Variants in PRSS38 observed in about 807,000 individuals in gnomAD.
PRSS38 encodes the protein serine protease 38.
In PRSS38, 22 loss-of-function variants were observed where a neutral mutation model predicts 26.8. The ratio of observed to expected loss-of-function variants is 0.82; its 90% CI spans 0.59 to 1.17. The LOEUF is 1.17. Ranked by LOEUF, PRSS38 falls within the 50% of genes most tolerant of loss-of-function variation. The probability of loss-of-function intolerance (pLI) is 0.00; values close to 1 mark genes in which losing one functional copy is unlikely to be tolerated. For missense variants in PRSS38, 427 were observed against 422.7 expected (o/e 1.01, Z -0.09); for synonymous variants, 175 against 172.1 (o/e 1.02, Z -0.13).
intron 3 of PRSS38, among the ~76,000 whole-genome samples, chr1:227,844,025 A>C (rs538965910): frequency 6.6e-6 from 1 of 151,644 alleles, no homozygotes; most frequent in Non-Finnish European, 1.5e-5. Context: ...CAAACAAAAA[A>C]CCCTCTGTGT....
chr1:227,819,204 G>A (rs1427864684), intron 3 of PRSS38, among the ~76,000 whole-genome samples: 5 of 151,974 alleles, frequency 3.3e-5, no homozygotes, highest in Admixed American at 6.6e-5. Flanking sequence ...GTGGTGCATG[G>A]GACTTTATAT....
At chr1:227,825,428 G>T (rs996753701) in intron 3 of PRSS38, among the ~76,000 whole-genome samples, 5 of 152,160 alleles carry the variant, frequency 3.3e-5, no homozygotes. Flanking sequence ...CTGATCTTGT[G>T]ATCTGCCCGC....
intron 3 of PRSS38, among the ~76,000 whole-genome samples, chr1:227,844,345 TGA>T (rs974934982): frequency 3.8e-4 from 58 of 152,230 alleles, no homozygotes; most frequent in African/African-American, 1.3e-3. Flanking sequence ...CCATGAGTGG[TGA>T]GGTTTCCTCC....
At chr1:227,829,247 C>G (rs1177949910) in intron 3 of PRSS38, among the ~76,000 whole-genome samples, 1 of 152,188 alleles carries the variant, frequency 6.6e-6, no homozygotes, top group Admixed American at 6.5e-5. Flanking sequence ...ATTTTCATTT[C>G]CACCAGCAGT....
intron 3 of PRSS38, among the ~76,000 whole-genome samples, chr1:227,833,684 A>G (rs549036986): frequency 2.6e-5 from 4 of 152,234 alleles, no homozygotes; most frequent in African/African-American, 7.2e-5. Context: ...TTCATTTTCA[A>G]TGAAGGTGCC....
At chr1:227,834,698 C>T (rs113207574) in intron 3 of PRSS38, among the ~76,000 whole-genome samples, 10,504 of 149,814 alleles carry the variant, frequency 0.07, 483 homozygotes, top group Non-Finnish European at 0.098. Context: ...GGCGTGGTGG[C>T]GAGTGCCTGT....
intron 3 of PRSS38, among the ~76,000 whole-genome samples, chr1:227,837,707 C>T (rs969657318): frequency 1.3e-5 from 2 of 152,144 alleles, no homozygotes; most frequent in Non-Finnish European, 1.5e-5. Context: ...TTTTCAATCC[C>T]GTGAGCAATG....
chr1:227,846,374 G>A, exon 5 of PRSS38: 9 of 852,204 alleles, frequency 1.1e-5, no homozygotes, highest in Admixed American at 2.9e-5. Flanking sequence ...GTGTACAAAA[G>A]AAAAAAGGGA....
At position 227,837,749 on chromosome 1, in the gene PRSS38, C is replaced by T. The variant is rs115065665; in HGVS notation, c.584-7721C>T. Among the ~76,000 whole-genome samples the T allele has an allele frequency of 8.9e-3, 1,349 of 152,208 alleles. 16 individuals are homozygous for T. Among genetic ancestry groups the T allele is most frequent in the African/African-American group, 0.031 (1,289 of 41,520 alleles). The stretch of plus-strand genomic sequence containing the variant: ...AGTGCTAGTTGCTGCACCTCTTTGC[C>T]GATACTTGGTAGTGCCATCTTTTTC... On this transcript the variant is annotated intron_variant, in intron 3 of 4. Transcript: ENST00000366757.
rs1664917461 is a variant in PRSS38, at chr1:227,816,392, G to A, written c.311+140G>A. ...CCACTGTCGACCCGCGCAAGGCCAG[G>A]TCCCCACCAGTGAGGCTGGTCCCCA... On this transcript the variant is annotated intron_variant, in intron 2 of 4. Transcript: ENST00000366757. This position sits in a 1 kb window ranked among gnomAD's most constrained non-coding sequence, Gnocchi z 5.1. The A allele has an allele frequency of 2.3e-6, 2 of 869,296 alleles. No individual in the cohort carries two copies. Among genetic ancestry groups the A allele is most frequent in the African/African-American group, 1.7e-5 (1 of 59,746 alleles). The allele number at this position is 869,296 out of a possible 1,614,324, so 53.8% of individuals were successfully genotyped here.
chr1:227,821,507 T>C (rs1665002892), intron 3 of PRSS38, among the ~76,000 whole-genome samples: 1 of 152,224 alleles, frequency 6.6e-6, no homozygotes, highest in African/African-American at 2.4e-5. Context: ...CAGTTAGCAT[T>C]TCCTCTATGG....
At position 227,825,075 on chromosome 1, in the gene PRSS38, T is replaced by C. The variant is rs1319981270; in HGVS notation, c.583+7595T>C. Among the ~76,000 whole-genome samples, 14 of 152,226 alleles carry C rather than the reference T, an allele frequency of 9.2e-5. 1 individual carries two copies. The highest frequency in any genetic ancestry group is 9.2e-4 in the Admixed American group (14 of 15,286). ...CTGTGCAGAAGCTCTTTAGTTTAAT[T>C]AGATCCCATTTGTCAATTTTTGCTT... On this transcript the variant is annotated intron_variant, in intron 3 of 4. Coordinates refer to ENST00000366757, the Ensembl canonical transcript of PRSS38.
intron 3 of PRSS38, among the ~76,000 whole-genome samples, chr1:227,828,928 A>G (rs985324150): frequency 6.6e-6 from 1 of 152,032 alleles, no homozygotes; most frequent in Non-Finnish European, 1.5e-5. Flanking sequence ...TGAGAGGATC[A>G]CCTGATCTGC....
chr1:227,837,653 T>C (rs1405426562), intron 3 of PRSS38, among the ~76,000 whole-genome samples: 1 of 152,182 alleles, frequency 6.6e-6, no homozygotes, highest in East Asian at 1.9e-4. Flanking sequence ...TAAATTCAAC[T>C]TTATTGGAAA....
chr1:227,839,269 G>A (rs552166928), intron 3 of PRSS38, among the ~76,000 whole-genome samples: 1 of 152,166 alleles, frequency 6.6e-6, no homozygotes, highest in South Asian at 2.1e-4. Flanking sequence ...AGACCAGTCT[G>A]GACAACATAG....
chr1:227,842,294 C>A (rs940668051), intron 3 of PRSS38, among the ~76,000 whole-genome samples: 2 of 152,166 alleles, frequency 1.3e-5, no homozygotes, highest in Non-Finnish European at 2.9e-5. Flanking sequence ...AAAGCTTTCC[C>A]AAATTCAGCT....
chr1:227,837,938 T>C (rs1381811036), intron 3 of PRSS38, among the ~76,000 whole-genome samples: 1 of 152,172 alleles, frequency 6.6e-6, no homozygotes, highest in East Asian at 1.9e-4. Context: ...TTTTCTTTTT[T>C]AGAGATGGGG....
intron 3 of PRSS38, among the ~76,000 whole-genome samples, chr1:227,820,089 CAAAAAAA>C (rs61564441): frequency 1.4e-4 from 6 of 42,792 alleles, no homozygotes; most frequent in African/African-American, 2.2e-4. Flanking sequence ...AACTCCATCT[CAAAAAAA>C]AAAAAAAAAA....
chr1:227,830,104 T>C (rs1665131630), intron 3 of PRSS38, among the ~76,000 whole-genome samples: 1 of 152,224 alleles, frequency 6.6e-6, no homozygotes, highest in Non-Finnish European at 1.5e-5. Context: ...CAATTTTGGA[T>C]ATTAAACTCA....
Sources: gnomAD v4.1 joint callset for allele counts (sites outside exome capture counted in the v4.1 genomes callset) on GRCh38, gnomAD v4.1.1 for gene constraint, Gnocchi (gnomAD v3.1) non-coding constraint, MANE v1.5 for transcripts, NCBI Gene and HGNC (gene_info 2026-07-23, HGNC 2026-07-21) for gene names.